DUXA: variants seen among roughly 807,000 people sequenced by gnomAD.
DUXA encodes the protein double homeobox A.
In DUXA, 25 loss-of-function variants were observed where a neutral mutation model predicts 27.5. The observed-to-expected ratio is 0.91, with a 90% confidence interval of 0.66 to 1.27. DUXA has a LOEUF of 1.27. Among genes scored for constraint, DUXA ranks in the 50% most tolerant of loss-of-function variants. The probability of loss-of-function intolerance (pLI) is 0.00; values close to 1 mark genes in which losing one functional copy is unlikely to be tolerated. For synonymous variants in DUXA, 90 were observed against 80.5 expected, an observed-to-expected ratio of 1.12 and a Z score of -0.63; for missense variants, 247 against 242.9, an observed-to-expected ratio of 1.02 and a Z score of -0.11.
intron 4 of DUXA, among the ~76,000 whole-genome samples, chr19:57,157,124 C>A (rs2086996668): frequency 6.6e-6 from 1 of 152,120 alleles, no homozygotes; most frequent in African/African-American, 2.4e-5. Flanking sequence ...GAAAAATGAA[C>A]ACGAGACGAG....
rs1245218463 is a variant in DUXA at position 57,161,372 on chromosome 19, C to T, written c.26-575G>A. Among the ~76,000 whole-genome samples, 89 of 135,386 alleles carry T rather than the reference C, an allele frequency of 6.6e-4. 1 individual carries two copies. Among genetic ancestry groups the T allele is most frequent in the Non-Finnish European group, 2.3e-4 (15 of 65,086 alleles). The allele number at this position is 135,386 out of a possible 152,430, so 88.8% of individuals were successfully genotyped here. On this transcript the variant is annotated intron_variant, in intron 1 of 5. Transcript: ENST00000554048. ...GGCGCGGTGGCTCACACCTGTAATC[C>T]CAGCACTTTGGGAGGCCGAGGCGGG... is the stretch of plus-strand genomic sequence containing the variant.
chr19:57,155,192 G>A (rs879192067), intron 5 of DUXA, 75 bp downstream of exon 5: 19 of 1,329,848 alleles, frequency 1.4e-5, no homozygotes, highest in South Asian at 8.3e-5. Flanking sequence ...AGGAGCTGTC[G>A]GCTCCACCAT....
intron 1 of DUXA, among the ~76,000 whole-genome samples, chr19:57,166,452 G>T (rs1292251971): frequency 6.6e-6 from 1 of 152,140 alleles, no homozygotes; most frequent in Non-Finnish European, 1.5e-5. Context: ...TGGGACTACA[G>T]GCGCCCACCA....
rs2087016786 is a variant in DUXA at position 57,160,780 on chromosome 19, G to A, written c.43C>T (p.His15Tyr). Reference sequence around the variant, plus strand: ...GTGAATTTTGTGCGACAGCGCCTATGATTTGTTTTTACCATCTCTGTAGGA... The same window carrying A: ...GTGAATTTTGTGCGACAGCGCCTATAATTTGTTTTTACCATCTCTGTAGGA... The part of the protein sequence containing the change: ...TYSHKMVKTN[H>Y]RRCRTKFTEE... The change falls in exon 2 of 6, where the codon CAT becomes TAT. Residue 15 changes from histidine to tyrosine, a missense_variant. Physicochemically the swap from His to Tyr is moderately conservative, Grantham distance 83. Transcript: ENST00000554048. The A allele has an allele frequency of 6.2e-7, 1 of 1,614,088 alleles. No individual in the cohort carries two copies. The highest frequency in any genetic ancestry group is 8.5e-7 in the Non-Finnish European group (1 of 1,180,030).
chr19:57,162,775 C>T (rs2087031016), intron 1 of DUXA, among the ~76,000 whole-genome samples: 1 of 152,064 alleles, frequency 6.6e-6, no homozygotes, highest in African/African-American at 2.4e-5. Flanking sequence ...AGGGTTTCAC[C>T]ACGTTGGCCA....
At chr19:57,154,859 A>G (rs766896789) in intron 5 of DUXA, among the ~76,000 whole-genome samples, 1 of 152,118 alleles carries the variant, frequency 6.6e-6, no homozygotes, top group African/African-American at 2.4e-5. Context: ...CTCCATGCCC[A>G]GCCCCCACCT....
intron 1 of DUXA, among the ~76,000 whole-genome samples, chr19:57,166,316 T>C (rs529044754): frequency 6.6e-6 from 1 of 152,220 alleles, no homozygotes; most frequent in South Asian, 2.1e-4. Context: ...TATGTATGTA[T>C]GTATGTATTT....
chr19:57,157,959 A>T (rs1599930443), intron 4 of DUXA, among the ~76,000 whole-genome samples: 2 of 151,084 alleles, frequency 1.3e-5, no homozygotes, highest in South Asian at 4.2e-4. Flanking sequence ...TCGCCGCTGC[A>T]CTCCAGCCTG....
intron 5 of DUXA, 66 bp from the exon 6 acceptor site, chr19:57,154,548 C>T (rs2086981247): frequency 8.0e-7 from 1 of 1,246,726 alleles, no homozygotes; most frequent in Non-Finnish European, 1.1e-6. Context: ...ACATGGACGT[C>T]AGCCTTTTCC....
intron 1 of DUXA, among the ~76,000 whole-genome samples, chr19:57,164,646 A>T (rs903126977): frequency 2.0e-5 from 3 of 151,970 alleles, no homozygotes; most frequent in Non-Finnish European, 4.4e-5. Flanking sequence ...GGAAACAAAA[A>T]TTTTTTTTAA....
chr19:57,161,335 A>ACAAAATGAAGTAAAAT, intron 1 of DUXA, among the ~76,000 whole-genome samples: 1 of 128,020 alleles, frequency 7.8e-6, no homozygotes. Flanking sequence ...AAAAAAAAAA[A>ACAAAATGAAGTAAAAT]AAAAAAAACT....
chr19:57,155,959 G>A (rs571425704), intron 4 of DUXA, among the ~76,000 whole-genome samples: 5 of 152,192 alleles, frequency 3.3e-5, no homozygotes, highest in African/African-American at 1.2e-4. Flanking sequence ...GTGAGCCACC[G>A]TGCCCGGCCC....
At chr19:57,159,977 C>T (rs999843960) in intron 2 of DUXA, among the ~76,000 whole-genome samples, 14 of 151,984 alleles carry the variant, frequency 9.2e-5, no homozygotes, top group African/African-American at 2.2e-4. Context: ...TGGCGGCAGG[C>T]GCCTGTAGTC....
intron 2 of DUXA, among the ~76,000 whole-genome samples, 162 bp from the exon 3 acceptor site, chr19:57,159,440 G>T (rs2087009327): frequency 6.6e-6 from 1 of 152,020 alleles, no homozygotes; most frequent in Non-Finnish European, 1.5e-5. Flanking sequence ...TTGAGATAGA[G>T]TCTCACTTTG....
intron 4 of DUXA, among the ~76,000 whole-genome samples, chr19:57,156,945 T>C (rs1599930059): frequency 1.3e-5 from 2 of 152,186 alleles, no homozygotes; most frequent in African/African-American, 4.8e-5. Context: ...AGATTACAGG[T>C]GTGAGCCACT....
intron 4 of DUXA, among the ~76,000 whole-genome samples, chr19:57,157,713 G>A (rs879279316): frequency 7.9e-5 from 12 of 152,044 alleles, no homozygotes; most frequent in South Asian, 4.2e-4. Flanking sequence ...CAAATAGGCC[G>A]GGCACGGTGG....
At position 57,160,764 on chromosome 19, in the gene DUXA, G is replaced by C; in HGVS notation, c.59C>G (p.Thr20Arg). ...MVKTNHRRCRTKFTEEQLKIL... is the reference protein window; with the variant it reads ...MVKTNHRRCRRKFTEEQLKIL... The stretch of plus-strand genomic sequence containing the variant: ...TTTCAACTGTTCTTCTGTGAATTTT[G>C]TGCGACAGCGCCTATGATTTGTTTT... Residue 20 changes from threonine to arginine, a missense_variant, in exon 2 of 6, where the codon ACA becomes AGA. Thr to Arg is a moderately conservative substitution (Grantham distance 71, BLOSUM62 -1). Transcript: ENST00000554048. 1 of 1,614,136 alleles carries C rather than the reference G, an allele frequency of 6.2e-7. No individual in the cohort carries two copies. Among genetic ancestry groups the C allele is most frequent in the African/African-American group, 1.3e-5 (1 of 75,046 alleles).
At chr19:57,165,322 A>ATATATATATATATATGTATATATATAT (rs1484903570) in intron 1 of DUXA, among the ~76,000 whole-genome samples, 3 of 89,106 alleles carry the variant, frequency 3.4e-5, no homozygotes, top group Non-Finnish European at 7.2e-5. Context: ...AAAAAAAAAA[A>ATATATATATATATATGTATATATATAT]AAATATATAT....
At chr19:57,158,185 G>A in intron 4 of DUXA, 143 bp downstream of exon 4, 2 of 922,784 alleles carry the variant, frequency 2.2e-6, no homozygotes, top group East Asian at 4.9e-5. Flanking sequence ...GCACCTGGGG[G>A]TAGAAGCCAG....
Sources: allele counts gnomAD v4.1 joint callset (sites outside exome capture counted in the v4.1 genomes callset), GRCh38; gene constraint gnomAD v4.1.1; transcripts MANE v1.5; gene names NCBI Gene and HGNC (gene_info 2026-07-23, HGNC 2026-07-21).